Variants in TMEM178B observed in about 807,000 individuals in gnomAD.
TMEM178B encodes transmembrane protein 178B.
A neutral mutation model predicts 31.0 loss-of-function variants in TMEM178B; 5 were observed. The observed-to-expected ratio is 0.16, with a 90% CI of 0.08 to 0.34. TMEM178B has a LOEUF of 0.34. TMEM178B is among the 10% of genes least tolerant of loss of function. The pLI is 1.00. For synonymous variants in TMEM178B, 164 were observed against 164.0 expected, an observed-to-expected ratio of 1.00 and a Z score of 0.00; for missense variants, 275 against 400.3, an observed-to-expected ratio of 0.69 and a Z score of 2.67.
At chr7:141,441,996 C>T (rs577859763) in intron 3 of TMEM178B, among the ~76,000 whole-genome samples, 1 of 152,170 alleles carries the variant, frequency 6.6e-6, no homozygotes, top group Non-Finnish European at 1.5e-5. Context: ...AGGGGAGAAT[C>T]TCGCCCAGAC....
chr7:141,311,076 C>T (rs890431329), intron 2 of TMEM178B, among the ~76,000 whole-genome samples: 2 of 152,222 alleles, frequency 1.3e-5, no homozygotes, highest in Non-Finnish European at 2.9e-5. Flanking sequence ...CATGTTCTCA[C>T]TTATGAGCGG....
At chr7:141,264,389 A>G (rs1586858322) in intron 2 of TMEM178B, among the ~76,000 whole-genome samples, 1 of 152,236 alleles carries the variant, frequency 6.6e-6, no homozygotes, top group East Asian at 1.9e-4. Flanking sequence ...CTTCTTTGGG[A>G]CTTCCCATGC....
chr7:141,082,827 G>C (rs564028805), intron 1 of TMEM178B, among the ~76,000 whole-genome samples: 1 of 152,216 alleles, frequency 6.6e-6, no homozygotes, highest in Non-Finnish European at 1.5e-5. Context: ...GGTCTTACCT[G>C]CATCAATTGG....
intron 3 of TMEM178B, among the ~76,000 whole-genome samples, chr7:141,454,666 G>A (rs1801930769): frequency 6.9e-6 from 1 of 145,780 alleles, no homozygotes; most frequent in South Asian, 2.1e-4. Context: ...TTCTGGGTTA[G>A]TGTATCTGCT....
the TMEM178B span, among the ~76,000 whole-genome samples, chr7:141,501,137 A>G: frequency 2.0e-5 from 3 of 152,046 alleles, no homozygotes; most frequent in Non-Finnish European, 4.4e-5. Flanking sequence ...CAGAATTTGC[A>G]TTTAGGAAGT....
chr7:141,426,192 A>G (rs1473288869), intron 2 of TMEM178B, among the ~76,000 whole-genome samples: 1 of 152,194 alleles, frequency 6.6e-6, no homozygotes, highest in Non-Finnish European at 1.5e-5. Flanking sequence ...CTCACCCTAC[A>G]CTATGCCACG....
At chr7:141,402,142 C>T (rs190433456) in intron 2 of TMEM178B, among the ~76,000 whole-genome samples, 3 of 152,184 alleles carry the variant, frequency 2.0e-5, no homozygotes, top group Non-Finnish European at 2.9e-5. Context: ...AGGACCCGCT[C>T]ACTACACTAA....
At chr7:141,291,294 A>G (rs1328815070) in intron 2 of TMEM178B, among the ~76,000 whole-genome samples, 1 of 152,000 alleles carries the variant, frequency 6.6e-6, no homozygotes, top group Admixed American at 6.6e-5. Context: ...TCTTTTTATG[A>G]TCTCGAGGCC....
rs551350735 is a variant in TMEM178B at position 141,466,402 on chromosome 7, C to G, written c.635-4134C>G. On this transcript the variant is annotated intron_variant, in intron 3 of 3. Coordinates refer to ENST00000565468, the MANE Select transcript of TMEM178B (RefSeq NM_001195278.2). The stretch of plus-strand genomic sequence containing the variant: ...CACCCGGACCTTATCCCTTCACTCC[C>G]CATTCATCAGCCACATCCTTTGTGT... Among the ~76,000 whole-genome samples the G allele has an allele frequency of 6.6e-5, 10 of 152,284 alleles. No individual in the cohort carries two copies. In the South Asian group the frequency reaches 1.5e-3, roughly 22 times the overall value.
chr7:141,409,026 G>A (rs1367415612), intron 2 of TMEM178B, among the ~76,000 whole-genome samples: 6 of 152,182 alleles, frequency 3.9e-5, no homozygotes, highest in African/African-American at 1.4e-4. Context: ...CAGCAGCCAC[G>A]CCACTGAAGG....
intron 1 of TMEM178B, among the ~76,000 whole-genome samples, chr7:141,156,372 G>T (rs577308887): frequency 6.6e-6 from 1 of 152,364 alleles, no homozygotes; most frequent in East Asian, 1.9e-4. Context: ...TACTAAGGCA[G>T]TGTTGAGGCT....
chr7:141,373,637 C>T (rs374917413), intron 2 of TMEM178B, among the ~76,000 whole-genome samples: 4 of 152,140 alleles, frequency 2.6e-5, no homozygotes, highest in African/African-American at 4.8e-5. Flanking sequence ...AGGCCTAATA[C>T]GGCCACCCTC....
intron 2 of TMEM178B, among the ~76,000 whole-genome samples, chr7:141,395,287 A>T (rs1800617034): frequency 6.6e-6 from 1 of 152,180 alleles, no homozygotes; most frequent in South Asian, 2.1e-4. Flanking sequence ...AAAAATACAA[A>T]AAAATTATCC....
At position 141,478,477 on chromosome 7, in the gene TMEM178B, G is replaced by A. The variant is rs1417480727; in HGVS notation, c.*7691G>A. ...ACAGTGATGGAACCAGCTTCAGGAA[G>A]GTAGTATAGACCAGCGTCATCCAAT... On this transcript the variant is annotated 3_prime_UTR_variant, in exon 4 of 4. Transcript: ENST00000565468. 6.6e-6 allele frequency: 1 copy of A among 152,180 alleles called. No individual in the cohort carries two copies. Among genetic ancestry groups the A allele is most frequent in the South Asian group, 2.1e-4 (1 of 4,828 alleles). The allele number at this position is 152,180 out of a possible 1,614,324, so 9.4% of individuals were successfully genotyped here.
intron 2 of TMEM178B, among the ~76,000 whole-genome samples, chr7:141,349,533 A>G (rs1180884289): frequency 1.3e-5 from 2 of 152,240 alleles, no homozygotes; most frequent in Non-Finnish European, 2.9e-5. Flanking sequence ...GGTTGCAGCA[A>G]TGAGCAAAAC....
At chr7:141,271,366 A>G (rs1422561656) in intron 2 of TMEM178B, among the ~76,000 whole-genome samples, 6 of 152,208 alleles carry the variant, frequency 3.9e-5, no homozygotes, top group African/African-American at 1.4e-4. Flanking sequence ...ACCATCCCCA[A>G]GTATTTCCCT....
chr7:141,380,447 A>G (rs573927034), intron 2 of TMEM178B, among the ~76,000 whole-genome samples: 3 of 152,278 alleles, frequency 2.0e-5, no homozygotes, highest in Admixed American at 1.3e-4. Flanking sequence ...TTTCATTCCA[A>G]AAGTTTTTAG....
At chr7:141,138,857 G>A (rs1217146001) in intron 1 of TMEM178B, among the ~76,000 whole-genome samples, 1 of 152,038 alleles carries the variant, frequency 6.6e-6, no homozygotes, top group Admixed American at 6.6e-5. Context: ...GGTGGCACGT[G>A]CCTGTAATCC....
intron 2 of TMEM178B, among the ~76,000 whole-genome samples, chr7:141,400,978 C>T (rs960500278): frequency 2.6e-5 from 4 of 152,202 alleles, no homozygotes; most frequent in Non-Finnish European, 4.4e-5. Flanking sequence ...TGAGCATCTC[C>T]TCCTTCAGAA....
Sources: gnomAD v4.1 joint callset for allele counts (sites outside exome capture counted in the v4.1 genomes callset) on GRCh38, gnomAD v4.1.1 for gene constraint, MANE v1.5 for transcripts, NCBI Gene and HGNC (gene_info 2026-07-23, HGNC 2026-07-21) for gene names.